The following CYLC2 variants were observed in gnomAD, a reference collection of about 807,000 sequenced individuals.
CYLC2 encodes cylicin 2, also known as cylicin-2.
Under a neutral mutation model 26.1 loss-of-function variants are expected in CYLC2, and 30 were observed. That is an observed-to-expected ratio of 1.15 (90% CI 0.86 to 1.56). CYLC2 has a LOEUF of 1.56. Ranked by LOEUF, CYLC2 falls within the 40% of genes most tolerant of loss-of-function variation. The pLI is 0.00. For synonymous variants in CYLC2, 158 were observed against 132.8 expected, an observed-to-expected ratio of 1.19 and a Z score of -1.31; for missense variants, 498 against 394.4, an observed-to-expected ratio of 1.26 and a Z score of -2.23.
At chr9:103,008,642 C>G (rs1020928096) in intron 5 of CYLC2, among the ~76,000 whole-genome samples, 1 of 152,094 alleles carries the variant, frequency 6.6e-6, no homozygotes, top group Non-Finnish European at 1.5e-5. Flanking sequence ...AATCCAAAAT[C>G]AGTGAGTCAT....
chr9:103,002,361 T>C (rs1429263808), intron 2 of CYLC2, among the ~76,000 whole-genome samples: 124 of 18,832 alleles, frequency 6.6e-3, no homozygotes, highest in African/African-American at 0.012. Flanking sequence ...TGCCCCCTTT[T>C]TTTTTTTTTT....
chr9:102,996,454 A>G lies in CYLC2; in HGVS notation c.17+1057A>G, dbSNP rs538029399. Among the ~76,000 whole-genome samples, 21 of 152,016 alleles carry G rather than the reference A, an allele frequency of 1.4e-4. No individual in the cohort carries two copies. In the South Asian group the frequency reaches 3.9e-3, roughly 28 times the overall value. ...CTTTTTGGTCTTATGGCTATTTTTT[A>G]TGGTGTTATTCTAGTGTAATCCCAA... On this transcript the variant is annotated intron_variant, in intron 1 of 7. Transcript: ENST00000374798.
At chr9:103,004,622 T>C (rs577186085) in intron 3 of CYLC2, 73 bp from the exon 4 acceptor site, 1 of 975,216 alleles carries the variant, frequency 1.0e-6, no homozygotes, top group African/African-American at 1.7e-5. Context: ...AATTAAAATA[T>C]ATTTGGGATA....
chr9:103,014,021 T>G (rs1199754501), intron 6 of CYLC2, among the ~76,000 whole-genome samples: 1 of 115,296 alleles, frequency 8.7e-6, no homozygotes, highest in Non-Finnish European at 1.6e-5. Context: ...ATATTAAATA[T>G]ATTATTCATA....
At chr9:103,007,020 C>G (rs1587853002) in intron 5 of CYLC2, among the ~76,000 whole-genome samples, 2 of 152,138 alleles carry the variant, frequency 1.3e-5, no homozygotes, top group East Asian at 3.9e-4. Flanking sequence ...TCATATTGTA[C>G]ACGATAAATA....
At chr9:103,013,115 T>C (rs898046875) in intron 6 of CYLC2, among the ~76,000 whole-genome samples, 4 of 139,332 alleles carry the variant, frequency 2.9e-5, no homozygotes, top group Admixed American at 7.9e-5. Context: ...ATATCATAAA[T>C]AATATAAAAA....
At chr9:103,000,479 T>C (rs1701099781) in intron 1 of CYLC2, among the ~76,000 whole-genome samples, 1 of 152,072 alleles carries the variant, frequency 6.6e-6, no homozygotes, top group Non-Finnish European at 1.5e-5. Context: ...TATATAAATG[T>C]ACTTTGACTG....
Position 103,005,756 on chromosome 9 carries a change from A to G in CYLC2, c.*78A>G. 1 of 1,460,932 alleles carries G rather than the reference A, an allele frequency of 6.8e-7. No individual in the cohort carries two copies. Among genetic ancestry groups the G allele is most frequent in the Admixed American group, 2.3e-5 (1 of 44,232 alleles). 90.5% of individuals were successfully genotyped at this position (1,460,932 alleles called of 1,614,324 possible). On this transcript the variant is annotated 3_prime_UTR_variant, in exon 5 of 8. Transcript: ENST00000374798. ...AACAATAGTGGTAGTCTGCAGCTGAATTTGTGAGAAAACAAGAGGCCTCAA... is the reference window on the plus strand; with the variant it reads ...AACAATAGTGGTAGTCTGCAGCTGAGTTTGTGAGAAAACAAGAGGCCTCAA...
intron 5 of CYLC2, among the ~76,000 whole-genome samples, chr9:103,009,738 T>C (rs1461811606): frequency 6.6e-6 from 1 of 152,076 alleles, no homozygotes; most frequent in Non-Finnish European, 1.5e-5. Context: ...CAGACTCTGA[T>C]AACCATCCTT....
At position 103,005,571 on chromosome 9, in the gene CYLC2, GA is replaced by G. The variant is rs367661428; in HGVS notation, c.941del (p.Asp314ValfsTer42). ...GAAAGATACTGAGAAAGAATCTGCT[GA>G]TTCAAAGAAGGATGCAAAGAAAAAT... ...AKKDTEKESA[D>X]SKKDAKKNAK... On this transcript the variant is annotated frameshift_variant, in exon 5 of 8. Transcript: ENST00000374798. LOFTEE classifies it low-confidence loss of function (END_TRUNC). 11 of 1,608,818 alleles carry G rather than the reference GA, an allele frequency of 6.8e-6. No homozygotes were observed. The highest frequency in any genetic ancestry group is 3.3e-4 in the Middle Eastern group (2 of 6,056).
rs540033715 is a variant in CYLC2, at chr9:103,014,089, T to C, written c.*816+1992T>C. On this transcript the variant is annotated intron_variant, in intron 6 of 7. Coordinates refer to ENST00000374798, the MANE Select transcript of CYLC2 (RefSeq NM_001340.5). ...TTCATATATAAATTTAAATATTTAA[T>C]ATATAAAATTAAATATAATAAATAT... is the stretch of plus-strand genomic sequence containing the variant. Among the ~76,000 whole-genome samples the C allele has an allele frequency of 1.6e-4, 19 of 119,514 alleles. No individual in the cohort carries two copies. The South Asian group carries it at 4.2e-3, about 27-fold the overall frequency. 78.4% of individuals were successfully genotyped at this position (119,514 alleles called of 152,430 possible). A position where few individuals can be genotyped will look rare whatever the true frequency, so the allele number is the denominator to read the frequency against.
chr9:103,011,498 T>C (rs1829406499), intron 5 of CYLC2, among the ~76,000 whole-genome samples: 1 of 152,094 alleles, frequency 6.6e-6, no homozygotes, highest in Non-Finnish European at 1.5e-5. Flanking sequence ...GTAATGGTAC[T>C]TGAAACCTGA....
chr9:103,016,596 C>A (rs1190764959), intron 6 of CYLC2, among the ~76,000 whole-genome samples: 1 of 152,004 alleles, frequency 6.6e-6, no homozygotes, highest in African/African-American at 2.4e-5. Flanking sequence ...ATTTTTTAAT[C>A]TCTATCAGTG....
chr9:103,010,976 G>A (rs1002840074), intron 5 of CYLC2, among the ~76,000 whole-genome samples: 1 of 151,942 alleles, frequency 6.6e-6, no homozygotes, highest in East Asian at 1.9e-4. Flanking sequence ...AAGAAAAATG[G>A]AAGAATACTA....
intron 6 of CYLC2, among the ~76,000 whole-genome samples, chr9:103,012,991 C>A (rs1275629041): frequency 6.8e-6 from 1 of 146,918 alleles, no homozygotes; most frequent in Non-Finnish European, 1.5e-5. Context: ...TTTCTGTTGG[C>A]TGGAAAAAAA....
chr9:103,001,529 A>G, intron 1 of CYLC2, 49 bp from the exon 2 acceptor site: 1 of 1,156,072 alleles, frequency 8.6e-7, no homozygotes. Flanking sequence ...AGTTTAAAAC[A>G]GTGATTTTTA....
chr9:103,000,897 C>T (rs1005532452), intron 1 of CYLC2, among the ~76,000 whole-genome samples: 9 of 152,082 alleles, frequency 5.9e-5, no homozygotes, highest in Non-Finnish European at 1.3e-4. Flanking sequence ...TCGTAAAACA[C>T]TCCTTCGTGG....
At chr9:103,006,547 G>A (rs1269197392) in intron 5 of CYLC2, among the ~76,000 whole-genome samples, 169 bp downstream of exon 5, 1 of 124,020 alleles carries the variant, frequency 8.1e-6, no homozygotes, top group African/African-American at 3.4e-5. Flanking sequence ...CCAAGTAGCT[G>A]GACTACAGGC....
chr9:103,013,278 T>TAA (rs1829434471), intron 6 of CYLC2, among the ~76,000 whole-genome samples: 2 of 90,926 alleles, frequency 2.2e-5, no homozygotes, highest in Admixed American at 1.6e-4. Context: ...ATATTATATA[T>TAA]AACACATTAA....
Sources: allele counts gnomAD v4.1 joint callset (sites outside exome capture counted in the v4.1 genomes callset), GRCh38; gene constraint gnomAD v4.1.1; transcripts MANE v1.5; gene names NCBI Gene and HGNC (gene_info 2026-07-23, HGNC 2026-07-21).